PCDHGB2: variants seen among roughly 807,000 people sequenced by gnomAD.
PCDHGB2 encodes protocadherin gamma subfamily B, 2.
In PCDHGB2, 55 loss-of-function variants were observed where a neutral mutation model predicts 59.3. The observed-to-expected ratio is 0.93, with a 90% CI of 0.75 to 1.16. PCDHGB2 has a LOEUF of 1.16. Among genes scored for constraint, PCDHGB2 ranks in the 50% most tolerant of loss-of-function variants. PCDHGB2 has a pLI of 0.00. For synonymous variants in PCDHGB2, 516 were observed against 512.0 expected (o/e 1.01, Z -0.11); for missense variants, 1,228 against 1,198.5 (o/e 1.02, Z -0.36).
At chr5:141,420,210 A>T (rs1415966611) in intron 1 of PCDHGB2, 1 of 1,612,612 alleles carries the variant, frequency 6.2e-7, no homozygotes, top group East Asian at 2.2e-5. Flanking sequence ...CTCAACAAAG[A>T]TAGCATGCTA....
chr5:141,364,657 G>A (rs1232643990), intron 1 of PCDHGB2: 3 of 1,613,916 alleles, frequency 1.9e-6, no homozygotes, highest in African/African-American at 2.7e-5. Context: ...TTAACATCTT[G>A]GTTGAGAACA....
intron 1 of PCDHGB2, among the ~76,000 whole-genome samples, chr5:141,436,410 G>T (rs2154557099): frequency 6.6e-6 from 1 of 152,200 alleles, no homozygotes; most frequent in East Asian, 1.9e-4. Flanking sequence ...TTGAATGAAT[G>T]GATAAACAAA....
In PCDHGB2 at chr5:141,427,684, C is replaced by T. The variant is rs765112627; in HGVS notation, c.2421+65128C>T. 3.6e-6 allele frequency: 3 copies of T among 841,720 alleles called. No individual in the cohort carries two copies. In the Admixed American group the frequency reaches 5.8e-5, roughly 16 times the overall value. 52.1% of individuals were successfully genotyped at this position (841,720 alleles called of 1,614,324 possible). A position where few individuals can be genotyped will look rare whatever the true frequency, so the allele number is the denominator to read the frequency against. On this transcript the variant is annotated intron_variant, in intron 1 of 3. Transcript: ENST00000522605. The stretch of plus-strand genomic sequence containing the variant: ...GTGGCCGAAAACAACCTTCCCGGAG[C>T]CTCCATCCCACAAGTCAGCGCCTCT...
intron 2 of PCDHGB2, among the ~76,000 whole-genome samples, chr5:141,499,800 C>A (rs2099794584): frequency 6.6e-6 from 1 of 150,704 alleles, no homozygotes; most frequent in Admixed American, 6.7e-5. Context: ...AATTCTCATG[C>A]TTCAGCCTCC....
At chr5:141,394,435 C>G (rs1473725556) in intron 1 of PCDHGB2, 1 of 1,614,246 alleles carries the variant, frequency 6.2e-7, no homozygotes, top group Non-Finnish European at 8.5e-7. Flanking sequence ...GGGGACCCGC[C>G]CCTCAGCAGC....
At chr5:141,370,428 G>A in intron 1 of PCDHGB2, 1 of 1,598,310 alleles carries the variant, frequency 6.3e-7, no homozygotes, top group Non-Finnish European at 8.5e-7. Context: ...GGGCCCAGCA[G>A]GGCAGAGGCG....
chr5:141,486,421 G>A lies in PCDHGB2; in HGVS notation c.2422-8386G>A, dbSNP rs772631503. ...TGACTGCTGGACCCTTGGATCGAGA[G>A]GCCAAATCTAGCTATGACATCATGG... On this transcript the variant is annotated intron_variant, in intron 1 of 3. Coordinates refer to ENST00000522605, the MANE Select transcript of PCDHGB2 (RefSeq NM_018923.3). This position sits in a 1 kb window ranked among gnomAD's most constrained non-coding sequence, Gnocchi z 5.0. 2.5e-6 allele frequency: 4 copies of A among 1,614,152 alleles called. No homozygotes were observed. In the East Asian group the frequency reaches 6.7e-5, roughly 27 times the overall value.
intron 1 of PCDHGB2, chr5:141,416,995 T>G (rs912921234): frequency 2.0e-5 from 3 of 151,486 alleles, no homozygotes; most frequent in Non-Finnish European, 2.9e-5. Flanking sequence ...TGTGCATTCA[T>G]CTCAAATAAT....
At chr5:141,392,732 T>C in intron 1 of PCDHGB2, 1 of 1,414,588 alleles carries the variant, frequency 7.1e-7, no homozygotes. Context: ...AGGATTGTCA[T>C]CTCCATAGCT....
In PCDHGB2 at chr5:141,360,540, G is replaced by A. The variant is rs1761641770; in HGVS notation, c.405G>A (p.Gln135=). 1 of 1,613,928 alleles carries A rather than the reference G, an allele frequency of 6.2e-7. No homozygotes were observed. The highest frequency in any genetic ancestry group is 2.2e-5 in the East Asian group (1 of 44,882). The change falls in exon 1 of 4, where the codon CAG becomes CAA. Residue 135 remains glutamine (Q), a synonymous_variant. Coordinates refer to ENST00000522605, the MANE Select transcript of PCDHGB2 (RefSeq NM_018923.3). ...DINDNTPLFK[Q]TKINLKIGES... ...ATGATAATACCCCGCTATTCAAACAGACTAAGATTAATTTAAAAATTGGCG... is the reference window on the plus strand; with the variant it reads ...ATGATAATACCCCGCTATTCAAACAAACTAAGATTAATTTAAAAATTGGCG...
chr5:141,362,515 G>C lies in PCDHGB2; in HGVS notation c.2380G>C (p.Gly794Arg). ...CTCTTGGGAACAAAATACAAATCAT[G>C]GAGCCGCTGGGGTCCCTTTTGCCTC... ...NASWEQNTNHGAAGVPFASDT... is the reference protein window; with the variant it reads ...NASWEQNTNHRAAGVPFASDT... The change falls in exon 1 of 4, where the codon GGA becomes CGA. Residue 794 changes from glycine to arginine, a missense_variant. Gly to Arg is a moderately radical substitution (Grantham distance 125). This residue lies in a region of PCDHGB2 where 433 missense variants were observed against 441.8 expected (regional missense o/e 0.98). Coordinates refer to ENST00000522605, the MANE Select transcript of PCDHGB2 (RefSeq NM_018923.3). 1 of 1,613,978 alleles carries C rather than the reference G, an allele frequency of 6.2e-7. No homozygotes were observed.
At chr5:141,479,877 T>C (rs967661238) in intron 1 of PCDHGB2, among the ~76,000 whole-genome samples, 2 of 152,188 alleles carry the variant, frequency 1.3e-5, no homozygotes, top group African/African-American at 4.8e-5. Flanking sequence ...GAGAACCCTA[T>C]ACATACTCTC....
In PCDHGB2 at chr5:141,415,739, G is replaced by GTTT. The variant is rs1561759437; in HGVS notation, c.2421+53183_2421+53184insTTT. 6 of 435,150 alleles carry GTTT rather than the reference G, an allele frequency of 1.4e-5. No individual in the cohort carries two copies. The African/African-American group carries it at 1.6e-4, about 12-fold the overall frequency. 27.0% of individuals were successfully genotyped at this position (435,150 alleles called of 1,614,324 possible). ...ATGAGTAGAATTTGATGTTTATTAAGGTTTTTTTTTTTTTTTTTTTTTTTT... is the reference window on the plus strand; with the variant it reads ...ATGAGTAGAATTTGATGTTTATTAAGTTTGTTTTTTTTTTTTTTTTTTTTTTTT... On this transcript the variant is annotated intron_variant, in intron 1 of 3. Transcript: ENST00000522605.
Position 141,490,254 on chromosome 5 carries a change from G to A in PCDHGB2, c.2422-4553G>A. The A allele has an allele frequency of 6.2e-7, 1 of 1,614,236 alleles. No homozygotes were observed. Among genetic ancestry groups the A allele is most frequent in the Non-Finnish European group, 8.5e-7 (1 of 1,180,038 alleles). ...TGGAGGGCCACTGTGTGATTCAAGT[G>A]GATGTGGGGGATGTCAATGACAATG... On this transcript the variant is annotated intron_variant, in intron 1 of 3. Coordinates refer to ENST00000522605, the MANE Select transcript of PCDHGB2 (RefSeq NM_018923.3). The surrounding 1 kb of genome is among the most constrained non-coding windows in gnomAD (Gnocchi z 5.4).
chr5:141,412,569 T>C (rs1469611879), intron 1 of PCDHGB2: 3 of 152,228 alleles, frequency 2.0e-5, no homozygotes, highest in Admixed American at 6.5e-5. Flanking sequence ...GTTTATTTAA[T>C]ATAATCTTTG....
At chr5:141,419,325 AC>A (rs768622826) in intron 1 of PCDHGB2, 1 of 1,613,702 alleles carries the variant, frequency 6.2e-7, no homozygotes, top group Non-Finnish European at 8.5e-7. Context: ...CGTGTCTCCT[AC>A]TCTCTCATTG....
At position 141,469,305 on chromosome 5, in the gene PCDHGB2, G is replaced by A. The variant is rs990437808; in HGVS notation, c.2422-25502G>A. Among the ~76,000 whole-genome samples the A allele has an allele frequency of 3.9e-5, 6 of 152,192 alleles. No homozygotes were observed. The South Asian group carries it at 6.2e-4, about 16-fold the overall frequency. On this transcript the variant is annotated intron_variant, in intron 1 of 3. Transcript: ENST00000522605. ...AAATAAAACAAAATAGACTGGGCACGATGGCTCACGCCTGTAATCCCACCA... is the reference window on the plus strand; with the variant it reads ...AAATAAAACAAAATAGACTGGGCACAATGGCTCACGCCTGTAATCCCACCA...
At chr5:141,380,278 A>G (rs1443350334) in intron 1 of PCDHGB2, among the ~76,000 whole-genome samples, 3 of 152,216 alleles carry the variant, frequency 2.0e-5, no homozygotes, top group African/African-American at 7.2e-5. Context: ...TCAGAGGAGA[A>G]ACATTGGAAG....
Position 141,361,351 on chromosome 5 carries a change from A to T in PCDHGB2, c.1216A>T (p.Thr406Ser), listed in dbSNP as rs200180237. Reference sequence around the variant, plus strand: ...CTCAAAGAACTATTACAAACTAGTGACAGACGGCGCTCTGGACCGGGAGGA... The same window carrying T: ...CTCAAAGAACTATTACAAACTAGTGTCAGACGGCGCTCTGGACCGGGAGGA... ...SSSKNYYKLV[T>S]DGALDREEIP... The change falls in exon 1 of 4, where the codon ACA (threonine) becomes TCA (serine). Residue 406 changes from threonine (T) to serine (S), a missense_variant. Thr to Ser is a moderately conservative substitution (Grantham distance 58). This residue lies in a region of PCDHGB2 where 781 missense variants were observed against 721.6 expected (regional missense o/e 1.08). Coordinates refer to ENST00000522605, the MANE Select transcript of PCDHGB2 (RefSeq NM_018923.3). 1.6e-3 allele frequency: 2,637 copies of T among 1,613,994 alleles called. 1 individual carries two copies. Among genetic ancestry groups the T allele is most frequent in the Non-Finnish European group, 2.1e-3 (2,436 of 1,179,894 alleles).
Sources: gnomAD v4.1 joint callset for allele counts (sites outside exome capture counted in the v4.1 genomes callset) on GRCh38, gnomAD v4.1.1 for gene constraint, gnomAD v4.1.1 regional missense constraint, Gnocchi (gnomAD v3.1) non-coding constraint, MANE v1.5 for transcripts, NCBI Gene and HGNC (gene_info 2026-07-23, HGNC 2026-07-21) for gene names.